KHDRBS2: variants seen among roughly 807,000 people sequenced by gnomAD.
KHDRBS2 encodes the protein KH domain-containing, RNA-binding, signal transduction-associated protein 2.
Under a neutral mutation model 44.3 loss-of-function variants are expected in KHDRBS2, and 26 were observed. That is an observed-to-expected ratio of 0.59 (90% confidence interval 0.43 to 0.81). The LOEUF (loss-of-function observed/expected upper bound fraction) is 0.81, where lower values mean the gene tolerates loss of function less well. Ranked by LOEUF, KHDRBS2 falls within the 40% of genes least tolerant of loss-of-function variation. The probability of loss-of-function intolerance (pLI) is 0.00; values close to 1 mark genes in which losing one functional copy is unlikely to be tolerated. For synonymous variants in KHDRBS2, 194 were observed against 151.1 expected, an observed-to-expected ratio of 1.28 and a Z score of -2.08; for missense variants, 476 against 433.1, an observed-to-expected ratio of 1.10 and a Z score of -0.88.
chr6:61,937,691 C>A (rs1355411565), intron 4 of KHDRBS2, among the ~76,000 whole-genome samples: 1 of 152,050 alleles, frequency 6.6e-6, no homozygotes, highest in African/African-American at 2.4e-5. Flanking sequence ...TTCATTAGGA[C>A]CTCCTTTATC....
intron 2 of KHDRBS2, among the ~76,000 whole-genome samples, chr6:62,146,675 T>C (rs2150102307): frequency 6.6e-6 from 1 of 151,960 alleles, no homozygotes; most frequent in South Asian, 2.1e-4. Flanking sequence ...GGAAGCCATA[T>C]GCACATAAAC....
chr6:62,201,203 G>A (rs1335008968), intron 1 of KHDRBS2, among the ~76,000 whole-genome samples: 3 of 151,928 alleles, frequency 2.0e-5, no homozygotes, highest in Admixed American at 1.3e-4. Flanking sequence ...CCTGCATGTT[G>A]TGCACATGTA....
chr6:61,822,496 G>C (rs1790083362), intron 6 of KHDRBS2, among the ~76,000 whole-genome samples: 1 of 151,908 alleles, frequency 6.6e-6, no homozygotes, highest in Non-Finnish European at 1.5e-5. Flanking sequence ...TTCTAATGTG[G>C]TTTCCTTTTC....
intron 6 of KHDRBS2, among the ~76,000 whole-genome samples, chr6:61,825,438 T>C (rs940918927): frequency 2.0e-5 from 3 of 152,172 alleles, no homozygotes; most frequent in African/African-American, 7.2e-5. Context: ...TTTCTAGCTC[T>C]GACAAATAGC....
chr6:62,169,182 T>TAC (rs1819455117), intron 2 of KHDRBS2, among the ~76,000 whole-genome samples: 1 of 146,502 alleles, frequency 6.8e-6, no homozygotes, highest in Non-Finnish European at 1.5e-5. Context: ...TATATATGTA[T>TAC]ATATACGTAT....
At chr6:62,007,015 G>A (rs1223968433) in intron 3 of KHDRBS2, among the ~76,000 whole-genome samples, 3 of 151,910 alleles carry the variant, frequency 2.0e-5, no homozygotes, top group Admixed American at 6.6e-5. Flanking sequence ...TTGTACGTAT[G>A]TGTGTGTGTA....
the KHDRBS2 span, chr6:61,659,102 T>C: frequency 6.6e-6 from 1 of 152,024 alleles, no homozygotes; most frequent in East Asian, 1.9e-4. Flanking sequence ...TCTAGCATAG[T>C]GGAGTTAAAC....
At chr6:61,601,671 C>T in the KHDRBS2 span, among the ~76,000 whole-genome samples, 1 of 152,056 alleles carries the variant, frequency 6.6e-6, no homozygotes, top group South Asian at 2.1e-4. Context: ...CAGTCCTAAC[C>T]CCAAGTGTTG....
intron 6 of KHDRBS2, among the ~76,000 whole-genome samples, chr6:61,738,243 C>A (rs1324730101): frequency 6.6e-6 from 1 of 151,924 alleles, no homozygotes; most frequent in African/African-American, 2.4e-5. Context: ...TAAAAGAAAA[C>A]CTTCTAAATA....
At chr6:61,627,469 C>T in the KHDRBS2 span, among the ~76,000 whole-genome samples, 1 of 152,064 alleles carries the variant, frequency 6.6e-6, no homozygotes, top group African/African-American at 2.4e-5. Context: ...TTGGGGCTGG[C>T]CATGCCAGAA....
At chr6:61,766,971 T>C (rs1349790043) in intron 6 of KHDRBS2, among the ~76,000 whole-genome samples, 2 of 152,120 alleles carry the variant, frequency 1.3e-5, no homozygotes, top group South Asian at 2.1e-4. Context: ...ATTAGGGCTA[T>C]TGGGTCTATG....
chr6:61,678,394 G>T (rs993746706), downstream of KHDRBS2, among the ~76,000 whole-genome samples: 1 of 151,954 alleles, frequency 6.6e-6, no homozygotes, highest in Non-Finnish European at 1.5e-5. Context: ...GAAGCAAAAA[G>T]CTTACTGATC....
chr6:62,048,265 T>C (rs529975758), intron 2 of KHDRBS2, among the ~76,000 whole-genome samples: 1 of 151,992 alleles, frequency 6.6e-6, no homozygotes, highest in Non-Finnish European at 1.5e-5. Context: ...CATTTACATA[T>C]ATAATCAAAT....
intron 1 of KHDRBS2, among the ~76,000 whole-genome samples, chr6:62,215,717 A>C (rs1344972247): frequency 6.6e-6 from 1 of 151,824 alleles, no homozygotes; most frequent in East Asian, 1.9e-4. Context: ...TCATAACTCC[A>C]GAATACCAGT....
intron 2 of KHDRBS2, among the ~76,000 whole-genome samples, chr6:62,115,566 A>G (rs967325916): frequency 1.3e-5 from 2 of 152,210 alleles, no homozygotes; most frequent in Admixed American, 6.5e-5. Flanking sequence ...ACAATGGCAA[A>G]GTAAATCATA....
chr6:61,689,725 C>A (rs1753614006), intron 8 of KHDRBS2, among the ~76,000 whole-genome samples: 2 of 151,952 alleles, frequency 1.3e-5, no homozygotes, highest in South Asian at 4.1e-4. Flanking sequence ...ACTGATCTAA[C>A]TATTTTAGTT....
chr6:62,255,528 C>G (rs1051130737), intron 1 of KHDRBS2, among the ~76,000 whole-genome samples: 1 of 103,464 alleles, frequency 9.7e-6, no homozygotes, highest in African/African-American at 4.6e-5. Context: ...TCTCACAGTT[C>G]AAAGGAAGTA....
At chr6:61,892,123 C>T (rs1562381396) in intron 6 of KHDRBS2, among the ~76,000 whole-genome samples, 1 of 152,082 alleles carries the variant, frequency 6.6e-6, no homozygotes, top group Admixed American at 6.5e-5. Flanking sequence ...AAACAGAGAG[C>T]CAAATCATGA....
chr6:61,592,188 CAAAAAA>C, the KHDRBS2 span, among the ~76,000 whole-genome samples: 18 of 122,268 alleles, frequency 1.5e-4, no homozygotes, highest in South Asian at 6.1e-4. Flanking sequence ...AAGATCCCAC[CAAAAAA>C]AAAAAAAAAA....
Sources: allele counts gnomAD v4.1 joint callset (sites outside exome capture counted in the v4.1 genomes callset), GRCh38; gene constraint gnomAD v4.1.1; transcripts MANE v1.5; gene names NCBI Gene and HGNC (gene_info 2026-07-23, HGNC 2026-07-21).